Variants in ZNF91 observed in about 807,000 individuals in gnomAD.
The protein encoded by ZNF91 is zinc finger protein 91.
Under a neutral mutation model 12.6 loss-of-function variants are expected in ZNF91, and 7 were observed. That is an observed-to-expected ratio of 0.55 (90% confidence interval 0.31 to 1.04). The LOEUF (loss-of-function observed/expected upper bound fraction) is 1.04, where lower values mean the gene tolerates loss of function less well. Among genes scored for constraint, ZNF91 ranks in the 50% least tolerant of loss-of-function variants. ZNF91 has a pLI of 0.05. For missense variants in ZNF91, 1,217 were observed against 1,385.4 expected (o/e 0.88, Z 1.93); for synonymous variants, 453 against 462.6 (o/e 0.98, Z 0.27).
chr19:23,328,406 A>C (rs1384352604), intron 1 of ZNF91: 2 of 152,236 alleles, frequency 1.3e-5, no homozygotes, highest in Admixed American at 6.5e-5. Flanking sequence ...AATGCTTCAG[A>C]GAACAGCTGG....
chr19:23,322,726 C>T (rs1321397570), intron 1 of ZNF91, among the ~76,000 whole-genome samples: 1 of 139,676 alleles, frequency 7.2e-6, no homozygotes, highest in African/African-American at 2.7e-5. Flanking sequence ...CTCCTCTCCT[C>T]ATCTCTTCTT....
intron 1 of ZNF91, among the ~76,000 whole-genome samples, chr19:23,332,085 T>C (rs1967936417): frequency 6.6e-6 from 1 of 152,254 alleles, no homozygotes; most frequent in Non-Finnish European, 1.5e-5. Flanking sequence ...GTGAAAACCA[T>C]TTCTTAGCCA....
chr19:23,359,588 C>A lies in ZNF91; in HGVS notation c.3391G>T (p.Glu1131Ter). The A allele has an allele frequency of 2.5e-6, 4 of 1,614,042 alleles. No homozygotes were observed. The highest frequency in any genetic ancestry group is 3.4e-6 in the Non-Finnish European group (4 of 1,179,940). ...LTKHKIIHTG[E>*]KPYKCEKCGK... ...CATTTTTCACATTTGTAGGGTTTCTCTCCAGTGTGAATTATCTTATGTTTA... is the reference window on the plus strand; with the variant it reads ...CATTTTTCACATTTGTAGGGTTTCTATCCAGTGTGAATTATCTTATGTTTA... Residue 1131 changes from glutamate to a stop codon, truncating the protein, a stop_gained, in exon 4 of 4, where the codon GAG (glutamate) becomes TAG (stop). Transcript: ENST00000300619. LOFTEE classifies it low-confidence loss of function (END_TRUNC).
intron 1 of ZNF91, among the ~76,000 whole-genome samples, chr19:23,391,748 G>C (rs1210508165): frequency 6.6e-6 from 1 of 152,108 alleles, no homozygotes; most frequent in African/African-American, 2.4e-5. Flanking sequence ...TCTCAGTATA[G>C]GGGCTTCTTC....
chr19:23,394,725 TTCAAAAA>T (rs1970175361), intron 1 of ZNF91, among the ~76,000 whole-genome samples: 1 of 152,084 alleles, frequency 6.6e-6, no homozygotes, highest in Admixed American at 6.6e-5. Context: ...AAAACTCCTT[TTCAAAAA>T]ACAAAACAAA....
intron 3 of ZNF91, among the ~76,000 whole-genome samples, chr19:23,363,212 G>C (rs1050564291): frequency 6.6e-6 from 1 of 152,050 alleles, no homozygotes; most frequent in Admixed American, 6.6e-5. Flanking sequence ...GCCAACTCCT[G>C]GTTTATGTTT....
chr19:23,323,222 T>C (rs1025372043), intron 1 of ZNF91, among the ~76,000 whole-genome samples: 4 of 147,954 alleles, frequency 2.7e-5, no homozygotes, highest in African/African-American at 1.0e-4. Flanking sequence ...TACTTTTCCT[T>C]TCTCTCCTTC....
chr19:23,346,935 T>A (rs1968245546), intron 3 of ZNF91, among the ~76,000 whole-genome samples: 1 of 152,164 alleles, frequency 6.6e-6, no homozygotes. Context: ...CCAGCTCCCA[T>A]CTAAACTTGG....
chr19:23,318,497 G>C (rs534910360), intron 1 of ZNF91, among the ~76,000 whole-genome samples: 1 of 152,110 alleles, frequency 6.6e-6, no homozygotes, highest in South Asian at 2.1e-4. Flanking sequence ...TTTTGCCTTG[G>C]TTCTGACCTC....
rs778838451 is a variant in ZNF91, at chr19:23,374,769, A to G, written c.31-5T>C. 1.8e-5 allele frequency: 29 copies of G among 1,609,290 alleles called. No homozygotes were observed. Among genetic ancestry groups the G allele is most frequent in the Non-Finnish European group, 2.3e-5 (27 of 1,177,460 alleles). Reference sequence around the variant, plus strand: ...ATCCCTAAATGTCAACAGTCCCTGAAAAACACACACAAACACACATATTTA... The same window carrying G: ...ATCCCTAAATGTCAACAGTCCCTGAGAAACACACACAAACACACATATTTA... On this transcript the variant is annotated splice_region_variant and splice_polypyrimidine_tract_variant and intron_variant, in intron 1 of 3. Transcript: ENST00000300619.
chr19:23,341,634 CAA>C (rs1968126986), intron 3 of ZNF91, among the ~76,000 whole-genome samples: 1 of 151,796 alleles, frequency 6.6e-6, no homozygotes, highest in South Asian at 2.1e-4. Flanking sequence ...AAAAAGTGCT[CAA>C]TATCACCTAC....
downstream of ZNF91, among the ~76,000 whole-genome samples, chr19:23,354,420 T>C (rs540542782): frequency 3.3e-4 from 51 of 152,290 alleles, no homozygotes; most frequent in African/African-American, 1.2e-3. Context: ...TTAGCATCCC[T>C]TTATGATTAA....
downstream of ZNF91, among the ~76,000 whole-genome samples, chr19:23,334,324 G>A (rs887387597): frequency 1.3e-5 from 2 of 152,088 alleles, no homozygotes; most frequent in African/African-American, 4.8e-5. Context: ...AGGCTGTTAT[G>A]AGCCATCAAA....
chr19:23,306,543 C>A (rs1471244685), intron 3 of ZNF91, among the ~76,000 whole-genome samples: 5 of 152,130 alleles, frequency 3.3e-5, no homozygotes, highest in Non-Finnish European at 5.9e-5. Flanking sequence ...TATAACTGAG[C>A]CCTACACCCA....
rs188175038 is a variant in ZNF91 at position 23,332,424 on chromosome 19, C to T, written n.117-23327G>A. Among the ~76,000 whole-genome samples, 18 of 152,130 alleles carry T rather than the reference C, an allele frequency of 1.2e-4. No individual in the cohort carries two copies. In the East Asian group the frequency reaches 1.4e-3, roughly 11 times the overall value. On this transcript the variant is annotated intron_variant and non_coding_transcript_variant, in intron 1 of 1. Transcript: ENST00000596528. ...ATGTAATTATTATCCTCAGGATTCACGTGAGAAAACAGAGACCCAGGGAGG... is the reference window on the plus strand; with the variant it reads ...ATGTAATTATTATCCTCAGGATTCATGTGAGAAAACAGAGACCCAGGGAGG...
At chr19:23,354,054 A>G (rs982207239), downstream of ZNF91, among the ~76,000 whole-genome samples, 18 of 152,186 alleles carry the variant, frequency 1.2e-4, no homozygotes, top group Non-Finnish European at 2.1e-4. Context: ...ACTATTCCAC[A>G]AGACAGAGAA....
At chr19:23,321,459 T>G (rs1967693472) in intron 1 of ZNF91, among the ~76,000 whole-genome samples, 1 of 152,000 alleles carries the variant, frequency 6.6e-6, no homozygotes, top group South Asian at 2.1e-4. Flanking sequence ...CTCCCTGCAC[T>G]CCTCACCCAG....
chr19:23,362,948 A>G (rs1048538612), intron 3 of ZNF91, among the ~76,000 whole-genome samples: 1 of 152,108 alleles, frequency 6.6e-6, no homozygotes, highest in African/African-American at 2.4e-5. Flanking sequence ...ATCTTGGCTC[A>G]CAGCAAGCCC....
intron 3 of ZNF91, among the ~76,000 whole-genome samples, chr19:23,341,706 C>T (rs942474532): frequency 2.0e-5 from 3 of 151,882 alleles, no homozygotes; most frequent in African/African-American, 4.8e-5. Context: ...GTTAGGATTG[C>T]TAATATTAAA....
Sources: allele counts gnomAD v4.1 joint callset (sites outside exome capture counted in the v4.1 genomes callset), GRCh38; gene constraint gnomAD v4.1.1; transcripts MANE v1.5; gene names NCBI Gene and HGNC (gene_info 2026-07-23, HGNC 2026-07-21).